The following CCDC73 variants were observed in gnomAD, a reference collection of about 807,000 sequenced individuals.
CCDC73 encodes coiled-coil domain containing 73.
CCDC73 carries 95 observed loss-of-function variants against 116.5 expected under a neutral mutation model. That is an observed-to-expected ratio of 0.82 (90% CI 0.69 to 0.97). CCDC73 has a LOEUF of 0.97. Among genes scored for constraint, CCDC73 ranks in the 50% least tolerant of loss-of-function variants. The probability of loss-of-function intolerance (pLI) is 0.00; values close to 1 mark genes in which losing one functional copy is unlikely to be tolerated. For missense variants in CCDC73, 1,066 were observed against 1,206.8 expected (o/e 0.88, Z 1.73); for synonymous variants, 398 against 401.3 (o/e 0.99, Z 0.10).
intron 2 of CCDC73, among the ~76,000 whole-genome samples, chr11:32,731,227 G>C (rs184611940): frequency 2.2e-4 from 33 of 152,310 alleles, no homozygotes; most frequent in Admixed American, 1.6e-3. Flanking sequence ...GGCTGGGGGA[G>C]AGGCGCCCAC....
intron 6 of CCDC73, among the ~76,000 whole-genome samples, chr11:32,694,771 C>T (rs1856293355): frequency 6.6e-6 from 1 of 151,820 alleles, no homozygotes; most frequent in African/African-American, 2.4e-5. Flanking sequence ...TCAAGATACA[C>T]CAAGAAAAAA....
the CCDC73 span, among the ~76,000 whole-genome samples, chr11:32,807,148 T>C: frequency 6.6e-5 from 10 of 152,196 alleles, no homozygotes; most frequent in African/African-American, 2.2e-4. Context: ...CAAATATGCC[T>C]AATCACAAGA....
At chr11:32,726,356 TA>T (rs1290917040) in intron 2 of CCDC73, among the ~76,000 whole-genome samples, 1 of 152,064 alleles carries the variant, frequency 6.6e-6, no homozygotes, top group Non-Finnish European at 1.5e-5. Context: ...CTGAAAATTA[TA>T]AAAGACAAAC....
intron 14 of CCDC73, among the ~76,000 whole-genome samples, chr11:32,635,074 A>G (rs1855665735): frequency 6.6e-6 from 1 of 152,232 alleles, no homozygotes; most frequent in Admixed American, 6.5e-5. Flanking sequence ...AATTTCCAAG[A>G]CCTATATGAT....
At chr11:32,603,817 G>C (rs1273127967) in intron 17 of CCDC73, 2 of 152,268 alleles carry the variant, frequency 1.3e-5, no homozygotes, top group African/African-American at 2.4e-5. Flanking sequence ...ACTCATACCT[G>C]TAATCCCAGC....
intron 3 of CCDC73, among the ~76,000 whole-genome samples, chr11:32,705,827 G>A (rs1406035006): frequency 6.6e-6 from 1 of 152,126 alleles, no homozygotes; most frequent in Non-Finnish European, 1.5e-5. Flanking sequence ...GGCTTAAATT[G>A]ATAGTCAGCA....
At chr11:32,648,267 T>C (rs1229585033) in intron 12 of CCDC73, among the ~76,000 whole-genome samples, 1 of 152,268 alleles carries the variant, frequency 6.6e-6, no homozygotes, top group Non-Finnish European at 1.5e-5. Flanking sequence ...ATTGTCCATC[T>C]GGTTCCCACT....
chr11:32,609,546 CT>C (rs1321658394), intron 17 of CCDC73, among the ~76,000 whole-genome samples: 1 of 152,176 alleles, frequency 6.6e-6, no homozygotes, highest in African/African-American at 2.4e-5. Context: ...ATTTTCCTGT[CT>C]TCTGAGCCCT....
chr11:32,826,986 C>T, the CCDC73 span, among the ~76,000 whole-genome samples: 2 of 152,036 alleles, frequency 1.3e-5, no homozygotes, highest in African/African-American at 4.8e-5. Context: ...CTCAGCCTCC[C>T]GAGTAGCTGG....
At chr11:32,604,337 T>G (rs1359618714) in intron 17 of CCDC73, 1 of 152,164 alleles carries the variant, frequency 6.6e-6, no homozygotes, top group Non-Finnish European at 1.5e-5. Context: ...CTCTTAACTC[T>G]TGGGCTCAAG....
chr11:32,620,610 CAAAAAAAA>C (rs57643752), intron 14 of CCDC73, among the ~76,000 whole-genome samples: 1 of 61,340 alleles, frequency 1.6e-5, no homozygotes, highest in Non-Finnish European at 2.8e-5. Flanking sequence ...GACTCAGTCT[CAAAAAAAA>C]AAAAAAAAAA....
Position 32,700,859 on chromosome 11 carries a change from G to A in CCDC73, c.280-33C>T, listed in dbSNP as rs1407286520. ...ACAATTTTAAAAATTAAAATAAAGG[G>A]ATCACTGTTAACAGTGATCTATACT... On this transcript the variant is annotated intron_variant, in intron 4 of 17. Coordinates refer to ENST00000335185, the MANE Select transcript of CCDC73 (RefSeq NM_001008391.4). 10 of 1,256,966 alleles carry A rather than the reference G, an allele frequency of 8.0e-6. No homozygotes were observed. The Admixed American group carries it at 2.3e-4, about 29-fold the overall frequency. The allele number at this position is 1,256,966 out of a possible 1,614,324, so 77.9% of individuals were successfully genotyped here. A position where few individuals can be genotyped will look rare whatever the true frequency, so the allele number is the denominator to read the frequency against.
intron 14 of CCDC73, among the ~76,000 whole-genome samples, chr11:32,624,637 C>G (rs1323782924): frequency 6.6e-6 from 1 of 152,118 alleles, no homozygotes; most frequent in African/African-American, 2.4e-5. Flanking sequence ...GGATCTAGAA[C>G]TAGAAATACC....
chr11:32,649,479 C>G (rs1177643952), intron 12 of CCDC73, among the ~76,000 whole-genome samples: 1 of 152,122 alleles, frequency 6.6e-6, no homozygotes, highest in Middle Eastern at 3.2e-3. Context: ...AGACAGATGA[C>G]AGCATGATTG....
intron 2 of CCDC73, among the ~76,000 whole-genome samples, chr11:32,735,179 A>G (rs895380794): frequency 6.6e-6 from 1 of 152,160 alleles, no homozygotes; most frequent in Non-Finnish European, 1.5e-5. Context: ...GGGCAATCAG[A>G]CAGGAGAAAG....
intron 2 of CCDC73, among the ~76,000 whole-genome samples, chr11:32,743,569 C>T (rs368372029): frequency 1.4e-4 from 21 of 152,242 alleles, no homozygotes; most frequent in African/African-American, 4.1e-4. Context: ...TGTTTGTGTC[C>T]TCTCTTATTT....
chr11:32,681,967 T>G (rs1402409752), intron 7 of CCDC73: 2 of 151,840 alleles, frequency 1.3e-5, no homozygotes, highest in South Asian at 2.1e-4. Context: ...CTTTTTAAAT[T>G]AAAAGTGATG....
intron 1 of CCDC73, among the ~76,000 whole-genome samples, chr11:32,780,414 T>A (rs1197856427): frequency 6.6e-6 from 1 of 152,060 alleles, no homozygotes; most frequent in African/African-American, 2.4e-5. Flanking sequence ...CTGGTAGACA[T>A]GTAAATGGAA....
intron 1 of CCDC73, among the ~76,000 whole-genome samples, chr11:32,792,806 A>C (rs528949892): frequency 1.3e-5 from 2 of 152,304 alleles, no homozygotes; most frequent in Non-Finnish European, 2.9e-5. Flanking sequence ...CGGCTGTGTA[A>C]TCAGCCTTGC....
Sources: allele counts gnomAD v4.1 joint callset (sites outside exome capture counted in the v4.1 genomes callset), GRCh38; gene constraint gnomAD v4.1.1; transcripts MANE v1.5; gene names NCBI Gene and HGNC (gene_info 2026-07-23, HGNC 2026-07-21).